The following ADGRB3 variants were observed in gnomAD, a reference collection of about 807,000 sequenced individuals.
The protein encoded by ADGRB3 is adhesion G protein-coupled receptor B3.
A neutral mutation model predicts 193.4 loss-of-function variants in ADGRB3; 37 were observed. That is an observed-to-expected ratio of 0.19 (90% confidence interval 0.15 to 0.25). The LOEUF (loss-of-function observed/expected upper bound fraction) is 0.25. Ranked by LOEUF, ADGRB3 falls within the 10% of genes least tolerant of loss-of-function variation. The pLI is 1.00. For missense variants in ADGRB3, 1,637 were observed against 1,852.9 expected (o/e 0.88, Z 2.14); for synonymous variants, 690 against 644.2 (o/e 1.07, Z -1.08).
chr6:69,203,251 A>G (rs1035735975), intron 17 of ADGRB3, among the ~76,000 whole-genome samples: 9 of 152,180 alleles, frequency 5.9e-5, no homozygotes, highest in African/African-American at 2.2e-4. Flanking sequence ...CTGGTACATC[A>G]GATCATTACT....
chr6:68,840,197 G>C (rs552235305), intron 3 of ADGRB3, among the ~76,000 whole-genome samples: 1 of 152,078 alleles, frequency 6.6e-6, no homozygotes, highest in East Asian at 1.9e-4. Context: ...GTATTTGGGG[G>C]ACACGTGAAC....
intron 28 of ADGRB3, among the ~76,000 whole-genome samples, chr6:69,358,051 C>T (rs555178911): frequency 6.6e-6 from 1 of 151,906 alleles, no homozygotes; most frequent in Non-Finnish European, 1.5e-5. Context: ...TCCTAATCTT[C>T]CACCTTCAGT....
chr6:68,869,104 G>A (rs543876325), intron 3 of ADGRB3, among the ~76,000 whole-genome samples: 26 of 152,152 alleles, frequency 1.7e-4, no homozygotes, highest in African/African-American at 5.1e-4. Flanking sequence ...GCAGTCAACT[G>A]GAAGCTAAAG....
intron 20 of ADGRB3, among the ~76,000 whole-genome samples, chr6:69,296,454 A>T (rs2127294597): frequency 6.6e-6 from 1 of 152,148 alleles, no homozygotes; most frequent in South Asian, 2.1e-4. Flanking sequence ...ATATTTTTCT[A>T]GTGTTAATAT....
intron 10 of ADGRB3, among the ~76,000 whole-genome samples, chr6:68,980,408 T>C (rs1187279453): frequency 6.6e-6 from 1 of 151,404 alleles, no homozygotes; most frequent in African/African-American, 2.4e-5. Context: ...AGACAGAAAG[T>C]AGGAGAATAT....
intron 3 of ADGRB3, among the ~76,000 whole-genome samples, chr6:68,917,722 C>G (rs962879382): frequency 3.3e-5 from 5 of 152,102 alleles, no homozygotes; most frequent in African/African-American, 7.2e-5. Context: ...AATCTTCACT[C>G]TCCTTCTCAC....
In ADGRB3 at chr6:68,860,567, C is replaced by A. The variant is rs117872966; in HGVS notation, c.758-69992C>A. Among the ~76,000 whole-genome samples the A allele has an allele frequency of 1.7e-3, 266 of 152,298 alleles. 1 individual carries two copies. In the East Asian group the frequency reaches 0.045, roughly 26 times the overall value. ...CATGTTGCTGCAAAAGCCATGATTTCATTCTTTTTTATGGCTACATAGTAT... is the reference window on the plus strand; with the variant it reads ...CATGTTGCTGCAAAAGCCATGATTTAATTCTTTTTTATGGCTACATAGTAT... On this transcript the variant is annotated intron_variant, in intron 3 of 31. Transcript: ENST00000370598.
chr6:68,837,488 GTATGA>G, intron 3 of ADGRB3, among the ~76,000 whole-genome samples: 1 of 152,086 alleles, frequency 6.6e-6, no homozygotes, highest in East Asian at 1.9e-4. Flanking sequence ...TTTGCCATTT[GTATGA>G]TATAACATAG....
chr6:69,185,895 G>A (rs1164384980), intron 17 of ADGRB3, among the ~76,000 whole-genome samples: 1 of 152,042 alleles, frequency 6.6e-6, no homozygotes, highest in Non-Finnish European at 1.5e-5. Flanking sequence ...AAAAATCTGT[G>A]TATTAAGTCT....
At chr6:69,004,111 T>C (rs2150280398) in intron 11 of ADGRB3, among the ~76,000 whole-genome samples, 1 of 152,346 alleles carries the variant, frequency 6.6e-6, no homozygotes, top group Admixed American at 6.5e-5. Context: ...TGTGATTCCA[T>C]TTATTATCAA....
chr6:68,873,021 A>T (rs1458010590), intron 3 of ADGRB3, among the ~76,000 whole-genome samples: 1 of 152,112 alleles, frequency 6.6e-6, no homozygotes, highest in Non-Finnish European at 1.5e-5. Flanking sequence ...ATTAATGTAG[A>T]GTGGCTACAT....
intron 17 of ADGRB3, among the ~76,000 whole-genome samples, chr6:69,141,260 A>G (rs1774334715): frequency 6.6e-6 from 1 of 151,876 alleles, no homozygotes; most frequent in Non-Finnish European, 1.5e-5. Context: ...AGTAGCTGGG[A>G]CTACAGGAGC....
At chr6:68,838,463 G>C (rs573513810) in intron 3 of ADGRB3, among the ~76,000 whole-genome samples, 1 of 152,138 alleles carries the variant, frequency 6.6e-6, no homozygotes, top group Non-Finnish European at 1.5e-5. Flanking sequence ...AATTTAGCTG[G>C]ATTTACTTTG....
chr6:69,296,642 G>T (rs1767824191), intron 20 of ADGRB3, among the ~76,000 whole-genome samples: 1 of 152,066 alleles, frequency 6.6e-6, no homozygotes, highest in Admixed American at 6.6e-5. Flanking sequence ...GAAACAGATG[G>T]CCATTCTCTT....
chr6:69,143,467 T>TTA (rs1774396242), intron 17 of ADGRB3, among the ~76,000 whole-genome samples: 1 of 152,206 alleles, frequency 6.6e-6, no homozygotes, highest in Non-Finnish European at 1.5e-5. Flanking sequence ...CAAAGAAATG[T>TTA]CCCCAGAGAT....
At chr6:69,263,905 G>A (rs983794552) in intron 20 of ADGRB3, among the ~76,000 whole-genome samples, 4 of 151,926 alleles carry the variant, frequency 2.6e-5, no homozygotes, top group African/African-American at 9.7e-5. Context: ...GCTTCCTCCA[G>A]TTATTTAACC....
chr6:68,974,684 G>C, intron 8 of ADGRB3, 79 bp from the exon 9 acceptor site: 2 of 1,057,638 alleles, frequency 1.9e-6, no homozygotes, highest in Non-Finnish European at 2.9e-6. Context: ...TGCAGTTAGA[G>C]AGGTGCCTTT....
At chr6:69,143,656 T>C (rs533545123) in intron 17 of ADGRB3, among the ~76,000 whole-genome samples, 2 of 152,314 alleles carry the variant, frequency 1.3e-5, no homozygotes, top group South Asian at 2.1e-4. Flanking sequence ...CTGCAATGTA[T>C]ATTCTTGGCA....
intron 4 of ADGRB3, among the ~76,000 whole-genome samples, chr6:68,934,216 C>T (rs1459745042): frequency 6.6e-6 from 1 of 152,046 alleles, no homozygotes; most frequent in Admixed American, 6.6e-5. Context: ...AATCTGAAAG[C>T]CAATGTTTTA....
Sources: allele counts gnomAD v4.1 joint callset (sites outside exome capture counted in the v4.1 genomes callset), GRCh38; gene constraint gnomAD v4.1.1; transcripts MANE v1.5; gene names NCBI Gene and HGNC (gene_info 2026-07-23, HGNC 2026-07-21).